PRDM15: variants seen among roughly 807,000 people sequenced by gnomAD.
PRDM15 encodes PR/SET domain 15.
PRDM15 carries 64 observed loss-of-function variants against 128.6 expected under a neutral mutation model. That is an observed-to-expected ratio of 0.50 (90% CI 0.41 to 0.61). The LOEUF (loss-of-function observed/expected upper bound fraction) is 0.61. Among genes scored for constraint, PRDM15 ranks in the 20% least tolerant of loss-of-function variants. PRDM15 has a pLI of 0.00. For synonymous variants in PRDM15, 615 were observed against 621.8 expected (o/e 0.99, Z 0.16); for missense variants, 1,242 against 1,569.1 (o/e 0.79, Z 3.52).
intron 21 of PRDM15, among the ~76,000 whole-genome samples, chr21:41,806,441 A>G (rs1166080219): frequency 5.5e-5 from 3 of 54,198 alleles, no homozygotes; most frequent in Admixed American, 2.4e-4. Flanking sequence ...CACCACCACC[A>G]TCACCACCAC....
intron 6 of PRDM15, among the ~76,000 whole-genome samples, chr21:41,841,268 G>C (rs551215831): frequency 2.0e-5 from 3 of 152,264 alleles, no homozygotes; most frequent in African/African-American, 7.2e-5. Context: ...AAGCAACCAA[G>C]TACAAAGCAG....
intron 1 of PRDM15, among the ~76,000 whole-genome samples, chr21:41,870,413 G>A (rs2146007747): frequency 6.6e-6 from 1 of 152,232 alleles, no homozygotes; most frequent in South Asian, 2.1e-4. Context: ...TGAAGCAGGA[G>A]GAGCATCTTT....
chr21:41,863,582 T>C (rs2063897472), intron 1 of PRDM15, among the ~76,000 whole-genome samples: 1 of 151,626 alleles, frequency 6.6e-6, no homozygotes, highest in African/African-American at 2.4e-5. Context: ...CATCTGCATC[T>C]AACCTGGTGG....
At chr21:41,843,194 A>T (rs143934849) in intron 6 of PRDM15, among the ~76,000 whole-genome samples, 1 of 152,072 alleles carries the variant, frequency 6.6e-6, no homozygotes, top group East Asian at 1.9e-4. Context: ...TATTAATAAC[A>T]TTTGCTTATT....
chr21:41,878,733 G>T, intron 1 of PRDM15: 1 of 1,569,046 alleles, frequency 6.4e-7, no homozygotes, highest in Non-Finnish European at 8.6e-7. Context: ...TGGGGGTCCA[G>T]GGACCCCCCC....
intron 1 of PRDM15, among the ~76,000 whole-genome samples, chr21:41,868,126 T>C (rs1057132413): frequency 1.3e-5 from 2 of 152,112 alleles, no homozygotes; most frequent in Non-Finnish European, 2.9e-5. Context: ...AATAATGCCC[T>C]TGAGATCCCT....
At chr21:41,831,731 A>T (rs1601275703) in intron 11 of PRDM15, among the ~76,000 whole-genome samples, 1 of 152,166 alleles carries the variant, frequency 6.6e-6, no homozygotes, top group African/African-American at 2.4e-5. Flanking sequence ...GGGAGGGGAC[A>T]GTCCCCTCCC....
At position 41,821,371 on chromosome 21, in the gene PRDM15, A is replaced by G. The variant is rs1374899834; in HGVS notation, c.1897-141T>C. 1 of 1,007,264 alleles carries G rather than the reference A, an allele frequency of 9.9e-7. No individual in the cohort carries two copies. The highest frequency in any genetic ancestry group is 1.4e-6 in the Non-Finnish European group (1 of 689,894). 62.4% of individuals were successfully genotyped at this position (1,007,264 alleles called of 1,614,324 possible). ...TCATGCCAGGGTGGAAGGGACTCTC[A>G]GAGGCTTGATGGGGAACTTTTCCGA... is the stretch of plus-strand genomic sequence containing the variant. On this transcript the variant is annotated intron_variant, in intron 15 of 23. Coordinates refer to ENST00000398548, the MANE Select transcript of PRDM15 (RefSeq NM_001040424.3). The surrounding 1 kb of genome is among the most constrained non-coding windows in gnomAD (Gnocchi z 5.4).
intron 3 of PRDM15, 78 bp from the exon 4 acceptor site, chr21:41,857,407 C>T (rs905734807): frequency 7.5e-6 from 11 of 1,476,076 alleles, no homozygotes; most frequent in East Asian, 6.8e-5. Flanking sequence ...CCTAAAAGCT[C>T]GCCCTCACTG....
At chr21:41,855,610 G>A (rs1253971626) in intron 4 of PRDM15, among the ~76,000 whole-genome samples, 1 of 152,192 alleles carries the variant, frequency 6.6e-6, no homozygotes, top group Non-Finnish European at 1.5e-5. Context: ...CTCCCAGCTG[G>A]CGGCACGCTC....
rs2064424165 is a variant in PRDM15, at chr21:41,876,557, T to C, written c.-10+2713A>G. On this transcript the variant is annotated intron_variant, in intron 1 of 23. Transcript: ENST00000398548. ...GGAGCCACTCCCCAACACCCTTACA[T>C]CTGCTGGGACCCCGCAGTTTCCACA... Among the ~76,000 whole-genome samples, 8 of 152,150 alleles carry C rather than the reference T, an allele frequency of 5.3e-5. No individual in the cohort carries two copies. In the South Asian group the frequency reaches 1.7e-3, roughly 32 times the overall value.
intron 19 of PRDM15, chr21:41,812,622 C>T (rs2061901373): frequency 6.6e-6 from 1 of 152,210 alleles, no homozygotes; most frequent in African/African-American, 2.4e-5. Flanking sequence ...GACAAAGCCT[C>T]TCAGATGATT....
intron 19 of PRDM15, chr21:41,814,434 A>G (rs1294849928): frequency 2.4e-5 from 2 of 83,830 alleles, no homozygotes; most frequent in African/African-American, 1.0e-4. Context: ...AGGGTGCTCT[A>G]GTGTTTTATG....
chr21:41,879,213 CG>C lies in PRDM15; in HGVS notation c.-10+56del. The C allele has an allele frequency of 1.4e-6, 1 of 738,212 alleles. No individual in the cohort carries two copies. The allele number at this position is 738,212 out of a possible 1,614,324, so 45.7% of individuals were successfully genotyped here. A position where few individuals can be genotyped will look rare whatever the true frequency, so the allele number is the denominator to read the frequency against. The stretch of plus-strand genomic sequence containing the variant: ...GCTCGCGGGGGCAGCGGGTGCGGCC[CG>C]GGGCCGGCGGGGCGCACGCCGGGGC... On this transcript the variant is annotated intron_variant, in intron 1 of 23. Coordinates refer to ENST00000398548, the MANE Select transcript of PRDM15 (RefSeq NM_001040424.3). The surrounding 1 kb of genome is among the most constrained non-coding windows in gnomAD (Gnocchi z 5.1).
intron 3 of PRDM15, among the ~76,000 whole-genome samples, chr21:41,857,768 GA>G (rs1237874627): frequency 1.3e-5 from 2 of 151,810 alleles, no homozygotes; most frequent in African/African-American, 2.4e-5. Flanking sequence ...TCAAAGAAAA[GA>G]AAAAAAACAA....
At chr21:41,803,932 T>C (rs971116945) in intron 22 of PRDM15, among the ~76,000 whole-genome samples, 4 of 152,128 alleles carry the variant, frequency 2.6e-5, no homozygotes, top group Non-Finnish European at 5.9e-5. Context: ...TTTAAACTTA[T>C]TTTGCTTAGA....
At chr21:41,819,988 G>T in intron 17 of PRDM15, 107 bp downstream of exon 17, 2 of 947,348 alleles carry the variant, frequency 2.1e-6, no homozygotes, top group Non-Finnish European at 1.6e-6. Flanking sequence ...CATGGGGGAG[G>T]CAAGGTGCGA....
chr21:41,806,530 ACCATC>A (rs2061657077), intron 21 of PRDM15, among the ~76,000 whole-genome samples: 43 of 6,512 alleles, frequency 6.6e-3, no homozygotes, highest in African/African-American at 0.014. Flanking sequence ...CATCACCACC[ACCATC>A]ACTACCACCA....
chr21:41,815,640 A>G, intron 19 of PRDM15, 65 bp downstream of exon 19: 2 of 1,590,004 alleles, frequency 1.3e-6, no homozygotes, highest in South Asian at 2.3e-5. Flanking sequence ...CTCTTCTCCC[A>G]CGGCCCACCT....
Sources: gnomAD v4.1 joint callset for allele counts (sites outside exome capture counted in the v4.1 genomes callset) on GRCh38, gnomAD v4.1.1 for gene constraint, Gnocchi (gnomAD v3.1) non-coding constraint, MANE v1.5 for transcripts, NCBI Gene and HGNC (gene_info 2026-07-23, HGNC 2026-07-21) for gene names.